The following DENND1B variants were observed in gnomAD, a reference collection of about 807,000 sequenced individuals.
The protein encoded by DENND1B is DENN domain-containing protein 1B.
A neutral mutation model predicts 90.1 loss-of-function variants in DENND1B; 59 were observed. The ratio of observed to expected loss-of-function variants is 0.65; its 90% CI spans 0.53 to 0.81. DENND1B has a LOEUF of 0.81. Ranked by LOEUF, DENND1B falls within the 40% of genes least tolerant of loss-of-function variation. The pLI, the probability that DENND1B is intolerant of heterozygous loss-of-function variation, is 0.00. For missense variants in DENND1B, 862 were observed against 912.6 expected (o/e 0.94, Z 0.71); for synonymous variants, 337 against 324.6 (o/e 1.04, Z -0.41).
intron 10 of DENND1B, among the ~76,000 whole-genome samples, chr1:197,618,840 T>C (rs1424436790): frequency 3.3e-5 from 5 of 151,102 alleles, no homozygotes; most frequent in Non-Finnish European, 7.4e-5. Context: ...TATACAAAGA[T>C]ATTTAAAGAA....
At chr1:197,578,679 C>G (rs916203962) in intron 15 of DENND1B, among the ~76,000 whole-genome samples, 23 of 152,124 alleles carry the variant, frequency 1.5e-4, no homozygotes, top group African/African-American at 5.6e-4. Flanking sequence ...TAAACACACA[C>G]TATTGTCAAT....
At chr1:197,771,528 G>A (rs906761049) in intron 2 of DENND1B, among the ~76,000 whole-genome samples, 1 of 152,180 alleles carries the variant, frequency 6.6e-6, no homozygotes, top group Admixed American at 6.5e-5. Context: ...CACAGCTGCA[G>A]TTCAGATAGA....
chr1:197,750,163 T>C (rs544609220), intron 2 of DENND1B, among the ~76,000 whole-genome samples: 2 of 152,176 alleles, frequency 1.3e-5, no homozygotes, highest in African/African-American at 2.4e-5. Context: ...TTCTTTCATA[T>C]AGAAAAAATA....
chr1:197,528,598 C>T (rs1669311945), intron 20 of DENND1B, among the ~76,000 whole-genome samples: 1 of 152,146 alleles, frequency 6.6e-6, no homozygotes, highest in Non-Finnish European at 1.5e-5. Context: ...CGGTGACTCA[C>T]GCCTGTAATC....
chr1:197,512,483 A>G (rs1334189635), intron 21 of DENND1B, among the ~76,000 whole-genome samples: 2 of 151,660 alleles, frequency 1.3e-5, no homozygotes, highest in Admixed American at 1.3e-4. Flanking sequence ...TCATCTTCTG[A>G]TATCACCATA....
At chr1:197,692,463 T>C (rs936547306) in intron 3 of DENND1B, among the ~76,000 whole-genome samples, 12 of 151,842 alleles carry the variant, frequency 7.9e-5, no homozygotes, top group African/African-American at 2.7e-4. Context: ...AATCCCACAC[T>C]CCAACCACAT....
rs74640478 is a variant in DENND1B, at chr1:197,525,209, T to C, written c.1516-12256A>G. ...TTTTAAAGATAGTTCATATGCCAAG[T>C]AATTATATCAATTTTAAATTTTTAA... On this transcript the variant is annotated intron_variant, in intron 20 of 22. Coordinates refer to ENST00000620048, the MANE Select transcript of DENND1B (RefSeq NM_001195215.2). Among the ~76,000 whole-genome samples the C allele has an allele frequency of 2.6e-3, 401 of 152,246 alleles. 12 individuals carry two copies. In the East Asian group the frequency reaches 0.072, roughly 27 times the overall value.
At chr1:197,712,670 TG>T (rs1660104607) in intron 3 of DENND1B, among the ~76,000 whole-genome samples, 1 of 15,130 alleles carries the variant, frequency 6.6e-5, no homozygotes, top group Non-Finnish European at 1.1e-4. Flanking sequence ...GACATAGGAG[TG>T]GGCAAGGACT....
chr1:197,667,966 G>A (rs188481641), intron 5 of DENND1B, among the ~76,000 whole-genome samples: 2 of 152,168 alleles, frequency 1.3e-5, no homozygotes, highest in Admixed American at 6.5e-5. Context: ...GATAAATGCT[G>A]AAGTGAATAA....
chr1:197,642,646 A>T (rs1572167643), intron 10 of DENND1B, 65 bp downstream of exon 10: 1 of 1,143,872 alleles, frequency 8.7e-7, no homozygotes, highest in East Asian at 2.5e-5. Flanking sequence ...AAATCTGCAA[A>T]GGTTTTTAGG....
intron 3 of DENND1B, among the ~76,000 whole-genome samples, chr1:197,704,272 A>C (rs1180617298): frequency 6.6e-6 from 1 of 152,190 alleles, no homozygotes; most frequent in Non-Finnish European, 1.5e-5. Context: ...TCAATAAAAA[A>C]TAAAAATTGT....
chr1:197,591,438 T>C (rs1265316954), intron 14 of DENND1B, among the ~76,000 whole-genome samples: 1 of 152,202 alleles, frequency 6.6e-6, no homozygotes, highest in Non-Finnish European at 1.5e-5. Flanking sequence ...CATTGACTTT[T>C]ACTTTAGATG....
At chr1:197,637,254 C>T (rs1172800851) in intron 10 of DENND1B, among the ~76,000 whole-genome samples, 3 of 151,976 alleles carry the variant, frequency 2.0e-5, no homozygotes, top group Admixed American at 6.6e-5. Context: ...AAAAAAAATG[C>T]TTGGTAAACT....
chr1:197,673,464 T>C (rs947159531), intron 4 of DENND1B, among the ~76,000 whole-genome samples: 3 of 152,054 alleles, frequency 2.0e-5, no homozygotes, highest in Admixed American at 6.6e-5. Flanking sequence ...AAACCCTTCA[T>C]GTCACCCTCT....
At chr1:197,717,367 G>A (rs1010991956) in intron 2 of DENND1B, among the ~76,000 whole-genome samples, 13 of 151,824 alleles carry the variant, frequency 8.6e-5, no homozygotes, top group African/African-American at 2.9e-4. Flanking sequence ...ACTGCTGGTG[G>A]GAATCATCGT....
chr1:197,527,427 C>CA (rs1186402559), intron 20 of DENND1B, among the ~76,000 whole-genome samples: 6 of 151,242 alleles, frequency 4.0e-5, no homozygotes, highest in African/African-American at 1.5e-4. Flanking sequence ...GGATTATAGG[C>CA]ATGCATCACT....
At position 197,507,637 on chromosome 1, in the gene DENND1B, A is replaced by G. The variant is rs1347618954; in HGVS notation, c.*2823T>C. 1 of 151,646 alleles carries G rather than the reference A, an allele frequency of 6.6e-6. No individual in the cohort carries two copies. Among genetic ancestry groups the G allele is most frequent in the Non-Finnish European group, 1.5e-5 (1 of 67,716 alleles). The allele number at this position is 151,646 out of a possible 1,614,324, so 9.4% of individuals were successfully genotyped here. On this transcript the variant is annotated 3_prime_UTR_variant, in exon 23 of 23. Transcript: ENST00000620048. ...TTAGTTTATACAATTCTGTTGTATA[A>G]CAGGTGTTGCTTCTTTGAAAAATAA...
chr1:197,597,439 T>A (rs1675807949), intron 13 of DENND1B, among the ~76,000 whole-genome samples: 3 of 151,628 alleles, frequency 2.0e-5, no homozygotes, highest in Non-Finnish European at 2.9e-5. Context: ...TAAAAAAAAA[T>A]TAAAATGCAC....
At chr1:197,752,083 G>A (rs746509335) in intron 2 of DENND1B, among the ~76,000 whole-genome samples, 68 of 151,592 alleles carry the variant, frequency 4.5e-4, no homozygotes, top group Admixed American at 1.2e-3. Context: ...AGAAAATGGA[G>A]ACATGAACAA....
Sources: allele counts gnomAD v4.1 joint callset (sites outside exome capture counted in the v4.1 genomes callset), GRCh38; gene constraint gnomAD v4.1.1; transcripts MANE v1.5; gene names NCBI Gene and HGNC (gene_info 2026-07-23, HGNC 2026-07-21).